TAFA1: variants seen among roughly 807,000 people sequenced by gnomAD.
The protein encoded by TAFA1 is TAFA chemokine like family member 1.
TAFA1 carries 4 observed loss-of-function variants against 18.5 expected under a neutral mutation model. That is an observed-to-expected ratio of 0.22 (90% CI 0.11 to 0.49). TAFA1 has a LOEUF of 0.49. Among genes scored for constraint, TAFA1 ranks in the 20% least tolerant of loss-of-function variants. TAFA1 has a pLI of 0.98. For synonymous variants in TAFA1, 56 were observed against 55.2 expected (o/e 1.01, Z -0.06); for missense variants, 147 against 169.0 (o/e 0.87, Z 0.72).
At chr3:68,333,629 T>G (rs2068919806) in intron 2 of TAFA1, among the ~76,000 whole-genome samples, 1 of 152,116 alleles carries the variant, frequency 6.6e-6, no homozygotes, top group African/African-American at 2.4e-5. Context: ...AATAACAGTT[T>G]TTTAAAAAAT....
intron 2 of TAFA1, among the ~76,000 whole-genome samples, chr3:68,015,947 G>A (rs151320022): frequency 1.3e-5 from 2 of 152,254 alleles, no homozygotes; most frequent in South Asian, 2.1e-4. Flanking sequence ...ACATTGCAAA[G>A]TTTCTGTATG....
chr3:68,199,337 A>C (rs2066447400), intron 2 of TAFA1, among the ~76,000 whole-genome samples: 1 of 151,514 alleles, frequency 6.6e-6, no homozygotes, highest in Non-Finnish European at 1.5e-5. Flanking sequence ...CGTGTTGGCT[A>C]TTCTGACTCT....
At chr3:68,117,144 A>T (rs1360469942) in intron 2 of TAFA1, among the ~76,000 whole-genome samples, 2 of 152,124 alleles carry the variant, frequency 1.3e-5, no homozygotes, top group South Asian at 4.1e-4. Context: ...TAATTGTTTT[A>T]TTACACTGTG....
chr3:68,470,343 G>A (rs1248892093), intron 3 of TAFA1, among the ~76,000 whole-genome samples: 1 of 152,090 alleles, frequency 6.6e-6, no homozygotes, highest in Non-Finnish European at 1.5e-5. Flanking sequence ...AACTGGTACT[G>A]GTAGAGTGGG....
chr3:68,358,482 C>G (rs534472427), intron 2 of TAFA1, among the ~76,000 whole-genome samples: 5 of 151,976 alleles, frequency 3.3e-5, no homozygotes, highest in African/African-American at 1.2e-4. Context: ...AAGCAACTTG[C>G]CCAAGAAAAA....
At chr3:68,445,820 C>G (rs1559673414) in intron 3 of TAFA1, among the ~76,000 whole-genome samples, 1 of 152,168 alleles carries the variant, frequency 6.6e-6, no homozygotes, top group Non-Finnish European at 1.5e-5. Context: ...CTGAGAACCA[C>G]AGCCTAAAGC....
In TAFA1 at chr3:68,497,295, C is replaced by T. The variant is rs540806346; in HGVS notation, c.260-41461C>T. ...TCATTAATGCATTCTGGTTAGTAGG[C>T]CACTGGAATGTCAGCAACATGGCAG... On this transcript the variant is annotated intron_variant, in intron 3 of 4. Transcript: ENST00000478136. 5.9e-5 allele frequency among the ~76,000 whole-genome samples: 9 copies of T among 152,142 alleles called. No homozygotes were observed. The South Asian group carries it at 1.9e-3, about 32-fold the overall frequency.
At chr3:68,049,232 GA>G (rs1369599863) in intron 2 of TAFA1, among the ~76,000 whole-genome samples, 1 of 152,084 alleles carries the variant, frequency 6.6e-6, no homozygotes, top group Non-Finnish European at 1.5e-5. Flanking sequence ...CTATTAAAAG[GA>G]AATAAACTCT....
chr3:68,401,739 T>C (rs759950022), intron 2 of TAFA1, among the ~76,000 whole-genome samples: 8 of 152,186 alleles, frequency 5.3e-5, no homozygotes, highest in Admixed American at 2.0e-4. Context: ...ACTAGAGATG[T>C]CATTATCTTC....
At chr3:68,477,684 T>C (rs923874476) in intron 3 of TAFA1, among the ~76,000 whole-genome samples, 4 of 152,174 alleles carry the variant, frequency 2.6e-5, no homozygotes, top group African/African-American at 9.7e-5. Context: ...TTATAGACAT[T>C]CTTTATGTAT....
chr3:68,539,688 T>TGGGGGGGGGGG, intron 4 of TAFA1, among the ~76,000 whole-genome samples: 1 of 12,452 alleles, frequency 8.0e-5, no homozygotes, highest in Admixed American at 1.3e-3. Flanking sequence ...TGGGGGGGCA[T>TGGGGGGGGGGG]GGGGTGGGTG....
intron 3 of TAFA1, among the ~76,000 whole-genome samples, chr3:68,472,025 G>A (rs1379598683): frequency 6.6e-6 from 1 of 152,106 alleles, no homozygotes; most frequent in African/African-American, 2.4e-5. Flanking sequence ...AAGACTTTAG[G>A]GGATTGTTGA....
At chr3:68,302,747 A>G (rs2068328677) in intron 2 of TAFA1, among the ~76,000 whole-genome samples, 1 of 152,138 alleles carries the variant, frequency 6.6e-6, no homozygotes, top group Non-Finnish European at 1.5e-5. Flanking sequence ...AGTATGGGAG[A>G]CTGGAATGCT....
intron 2 of TAFA1, among the ~76,000 whole-genome samples, chr3:68,074,230 A>C (rs569542693): frequency 3.9e-5 from 6 of 152,260 alleles, no homozygotes; most frequent in Admixed American, 6.5e-5. Context: ...CTCAGGGCTT[A>C]ATGCGAGTGA....
chr3:68,172,447 T>C (rs4432647), intron 2 of TAFA1, among the ~76,000 whole-genome samples: 6,205 of 152,172 alleles, frequency 0.041, 150 homozygotes, highest in Middle Eastern at 0.082. Context: ...ACATTGCTGG[T>C]GGGATTATAA....
In TAFA1 at chr3:68,322,146, C is replaced by G. The variant is rs545747453; in HGVS notation, c.119-95134C>G. Among the ~76,000 whole-genome samples the G allele has an allele frequency of 7.9e-5, 12 of 152,280 alleles. No individual in the cohort carries two copies. The East Asian group carries it at 1.9e-3, about 24-fold the overall frequency. ...AATTTCCTGGGCCTGGGGCCATAAG[C>G]TAAAATTACATATACAAGTACAAAT... On this transcript the variant is annotated intron_variant, in intron 2 of 4. Transcript: ENST00000478136.
intron 2 of TAFA1, among the ~76,000 whole-genome samples, chr3:68,261,982 A>G (rs1009416892): frequency 2.6e-5 from 4 of 151,460 alleles, no homozygotes; most frequent in Non-Finnish European, 5.9e-5. Context: ...AAAAAAAAAG[A>G]AAAAGTGAAT....
intron 2 of TAFA1, among the ~76,000 whole-genome samples, chr3:68,157,582 C>G (rs2065880011): frequency 6.6e-6 from 1 of 152,150 alleles, no homozygotes; most frequent in South Asian, 2.1e-4. Flanking sequence ...GGTCTCATCT[C>G]CCAGGTTTTA....
intron 2 of TAFA1, among the ~76,000 whole-genome samples, chr3:68,332,152 C>T (rs369520371): frequency 1.1e-4 from 16 of 151,414 alleles, no homozygotes; most frequent in South Asian, 4.2e-4. Flanking sequence ...TGTGAGCCAC[C>T]GCGCCCGGCC....
Sources: gnomAD v4.1 joint callset for allele counts (sites outside exome capture counted in the v4.1 genomes callset) on GRCh38, gnomAD v4.1.1 for gene constraint, MANE v1.5 for transcripts, NCBI Gene and HGNC (gene_info 2026-07-23, HGNC 2026-07-21) for gene names.